The following TTC29 variants were observed in gnomAD, a reference collection of about 807,000 sequenced individuals.
TTC29 encodes the protein tetratricopeptide repeat protein 29.
A neutral mutation model predicts 58.1 loss-of-function variants in TTC29; 49 were observed. The observed-to-expected ratio is 0.84, with a 90% CI of 0.67 to 1.07. TTC29 has a LOEUF of 1.07. Ranked by LOEUF, TTC29 falls within the 50% of genes least tolerant of loss-of-function variation. The pLI is 0.00. For missense variants in TTC29, 582 were observed against 555.6 expected (o/e 1.05, Z -0.48); for synonymous variants, 209 against 196.8 (o/e 1.06, Z -0.52).
chr4:146,840,647 T>C (rs1728797004), intron 8 of TTC29, among the ~76,000 whole-genome samples: 1 of 152,096 alleles, frequency 6.6e-6, no homozygotes, highest in Admixed American at 6.6e-5. Context: ...CCTGGCCCAT[T>C]GCAGCCTACG....
At chr4:146,810,546 G>A (rs905037572) in intron 10 of TTC29, among the ~76,000 whole-genome samples, 2 of 150,670 alleles carry the variant, frequency 1.3e-5, no homozygotes, top group Non-Finnish European at 3.0e-5. Flanking sequence ...TTTACTATTC[G>A]TAGAGTTGGA....
At chr4:146,723,433 A>G (rs1268768916) in intron 11 of TTC29, among the ~76,000 whole-genome samples, 2 of 152,164 alleles carry the variant, frequency 1.3e-5, no homozygotes, top group Non-Finnish European at 2.9e-5. Context: ...AAAATAAACT[A>G]TCAACAGAGT....
intron 2 of TTC29, among the ~76,000 whole-genome samples, chr4:146,941,456 A>G (rs1477306812): frequency 1.3e-5 from 2 of 152,202 alleles, no homozygotes; most frequent in African/African-American, 2.4e-5. Flanking sequence ...CTCTGATTTC[A>G]CAGACTTTGC....
At chr4:146,850,844 A>G (rs2150183072) in intron 8 of TTC29, among the ~76,000 whole-genome samples, 1 of 152,308 alleles carries the variant, frequency 6.6e-6, no homozygotes, top group Non-Finnish European at 1.5e-5. Context: ...TGGAGATATA[A>G]ACAATCATTC....
At chr4:146,844,560 T>G (rs1729046731) in intron 8 of TTC29, among the ~76,000 whole-genome samples, 1 of 152,126 alleles carries the variant, frequency 6.6e-6, no homozygotes, top group Non-Finnish European at 1.5e-5. Context: ...TTATTTTTTA[T>G]TTTAGAGATG....
At chr4:146,911,186 C>A (rs535552462) in intron 4 of TTC29, among the ~76,000 whole-genome samples, 1 of 152,324 alleles carries the variant, frequency 6.6e-6, no homozygotes, top group African/African-American at 2.4e-5. Flanking sequence ...AGAACCAACC[C>A]TGTAATTGCC....
At chr4:146,776,247 G>A (rs559041115) in intron 11 of TTC29, among the ~76,000 whole-genome samples, 6 of 152,078 alleles carry the variant, frequency 3.9e-5, no homozygotes, top group Admixed American at 2.0e-4. Flanking sequence ...CCTAGATGTC[G>A]ATGATCTTCA....
chr4:146,824,968 T>G (rs1165849178), intron 9 of TTC29, among the ~76,000 whole-genome samples: 1 of 152,170 alleles, frequency 6.6e-6, no homozygotes, highest in African/African-American at 2.4e-5. Flanking sequence ...CATTTTTTAT[T>G]GTGTCTATTT....
chr4:146,775,904 G>A (rs1364538395), intron 11 of TTC29, among the ~76,000 whole-genome samples: 1 of 151,950 alleles, frequency 6.6e-6, no homozygotes, highest in Non-Finnish European at 1.5e-5. Flanking sequence ...TCATAGATTT[G>A]GTCTCTTTAC....
chr4:146,769,614 A>C (rs1382322866), intron 11 of TTC29, among the ~76,000 whole-genome samples: 1 of 152,026 alleles, frequency 6.6e-6, no homozygotes, highest in African/African-American at 2.4e-5. Context: ...GCTGTAAGTT[A>C]AGCAATACTG....
At chr4:146,711,780 T>C (rs1304584771) in intron 11 of TTC29, among the ~76,000 whole-genome samples, 1 of 152,070 alleles carries the variant, frequency 6.6e-6, no homozygotes, top group Non-Finnish European at 1.5e-5. Flanking sequence ...AACTGATTTC[T>C]GAAAAAGGAA....
At chr4:146,825,944 A>ATTT (rs747122709) in intron 9 of TTC29, among the ~76,000 whole-genome samples, 2 of 149,006 alleles carry the variant, frequency 1.3e-5, no homozygotes, top group Admixed American at 1.3e-4. Context: ...TTTTTTTAAA[A>ATTT]AAATTTCCAT....
intron 11 of TTC29, among the ~76,000 whole-genome samples, chr4:146,712,642 G>A (rs1015353952): frequency 1.3e-5 from 2 of 152,066 alleles, no homozygotes; most frequent in Non-Finnish European, 2.9e-5. Context: ...AGATGAGTGG[G>A]TATCAGTCAG....
At chr4:146,814,456 G>A (rs963561425) in intron 10 of TTC29, among the ~76,000 whole-genome samples, 3 of 151,764 alleles carry the variant, frequency 2.0e-5, no homozygotes, top group Non-Finnish European at 2.9e-5. Context: ...GGACGGGCAC[G>A]GTGGCTCATA....
chr4:146,757,912 C>T (rs769397516), intron 11 of TTC29, among the ~76,000 whole-genome samples: 5 of 145,424 alleles, frequency 3.4e-5, no homozygotes, highest in South Asian at 2.2e-4. Context: ...GGTTAAAAAG[C>T]GAAAACCAAA....
At chr4:146,917,058 TAAAAC>T (rs1423135419) in intron 4 of TTC29, among the ~76,000 whole-genome samples, 1 of 151,202 alleles carries the variant, frequency 6.6e-6, no homozygotes, top group Admixed American at 6.6e-5. Context: ...ATGGATTCTC[TAAAAC>T]AAATCATTTT....
chr4:146,785,347 A>G (rs1245528415), intron 11 of TTC29, among the ~76,000 whole-genome samples: 1 of 152,080 alleles, frequency 6.6e-6, no homozygotes, highest in Non-Finnish European at 1.5e-5. Context: ...AGGGATAAAT[A>G]TATCCTTCTA....
At chr4:146,822,121 T>TTTA (rs1337520747) in intron 9 of TTC29, among the ~76,000 whole-genome samples, 1 of 143,318 alleles carries the variant, frequency 7.0e-6, no homozygotes, top group Non-Finnish European at 1.5e-5. Context: ...TATTTTCTTT[T>TTTA]AAAAAAAAAA....
chr4:146,899,352 T>A (rs72733740), intron 6 of TTC29, among the ~76,000 whole-genome samples: 1 of 152,316 alleles, frequency 6.6e-6, no homozygotes, highest in Non-Finnish European at 1.5e-5. Context: ...TCTGAGAGCT[T>A]TCTCCTGTGC....
Sources: allele counts gnomAD v4.1 joint callset (sites outside exome capture counted in the v4.1 genomes callset), GRCh38; gene constraint gnomAD v4.1.1; transcripts MANE v1.5; gene names NCBI Gene and HGNC (gene_info 2026-07-23, HGNC 2026-07-21).